Variants in CTC1 observed in about 807,000 individuals in gnomAD.
CTC1 encodes the protein CST complex subunit CTC1.
CTC1 carries 91 observed loss-of-function variants against 136.3 expected under a neutral mutation model. The ratio of observed to expected loss-of-function variants is 0.67; its 90% CI spans 0.56 to 0.79. CTC1 has a LOEUF of 0.79. Among genes scored for constraint, CTC1 ranks in the 30% least tolerant of loss-of-function variants. CTC1 has a pLI of 0.00. For synonymous variants in CTC1, 606 were observed against 613.8 expected (o/e 0.99, Z 0.19); for missense variants, 1,432 against 1,498.1 (o/e 0.96, Z 0.73).
chr17:8,241,624 A>G (rs1988225849), intron 2 of CTC1, among the ~76,000 whole-genome samples: 1 of 132,274 alleles, frequency 7.6e-6, no homozygotes, highest in South Asian at 2.4e-4. Context: ...AAAAAAAAAA[A>G]GCAGGCCAGG....
chr17:8,228,312 A>G lies in CTC1; in HGVS notation c.3522T>C (p.Pro1174=). The G allele has an allele frequency of 6.2e-7, 1 of 1,614,064 alleles. No homozygotes were observed. Among genetic ancestry groups the G allele is most frequent in the Non-Finnish European group, 8.5e-7 (1 of 1,179,962 alleles). ...CTCCACACTGGAATCGCTGTAGCCG[A>G]GGAGGTTCTGAGGTGGGAAGAGAGG... ...KPSKIVPLEP[P]RLQRFQCGEL... Residue 1174 remains proline (P), a synonymous_variant, in exon 23 of 23, where the codon CCT becomes CCC. Coordinates refer to ENST00000651323, the MANE Select transcript of CTC1 (RefSeq NM_025099.6).
At chr17:8,239,646 T>G (rs912747791) in intron 2 of CTC1, among the ~76,000 whole-genome samples, 3 of 151,722 alleles carry the variant, frequency 2.0e-5, no homozygotes, top group Non-Finnish European at 2.9e-5. Flanking sequence ...GGTCTCAAAC[T>G]CCTGACCTCA....
chr17:8,237,603 T>G (rs1987841783), intron 4 of CTC1, 84 bp from the exon 5 acceptor site: 19 of 1,166,984 alleles, frequency 1.6e-5, no homozygotes, highest in Non-Finnish European at 2.0e-5. Context: ...AGGCAGAGGT[T>G]GCAGTAAGCT....
Position 8,235,173 on chromosome 17 carries a change from C to G in CTC1, c.1319G>C (p.Gly440Ala), listed in dbSNP as rs1049816240. ...GTAGGCTTGACGGGATGAGTGAGCC[C>G]CAGGCTTCTGACGAGAGAAGCTTTG... The part of the protein sequence containing the change: ...LLQSFSRQKP[G>A]AHSSRQAYGA... Residue 440 changes from glycine to alanine, a missense_variant, in exon 8 of 23, where the codon GGG becomes GCG. Coordinates refer to ENST00000651323, the MANE Select transcript of CTC1 (RefSeq NM_025099.6). The G allele has an allele frequency of 6.2e-7, 1 of 1,614,040 alleles. No individual in the cohort carries two copies. The highest frequency in any genetic ancestry group is 1.3e-5 in the African/African-American group (1 of 74,918).
chr17:8,235,748 C>T, intron 7 of CTC1, 83 bp downstream of exon 7: 1 of 1,435,414 alleles, frequency 7.0e-7, no homozygotes, highest in Non-Finnish European at 9.4e-7. Context: ...TTCTATATAA[C>T]CACCCTGCTG....
chr17:8,232,416 A>G lies in CTC1; in HGVS notation c.2005T>C (p.Phe669Leu). The change falls in exon 12 of 23, where the codon TTC becomes CTC. Residue 669 changes from phenylalanine to leucine, a missense_variant. Physicochemically the swap from Phe to Leu is conservative, Grantham distance 22 (BLOSUM62 0). Transcript: ENST00000651323. ...LIVERDVRSS[F>L]PSWKELSMPG... ...ATGCTCAGCTCCTTCCAGGAAGGGAAGCTGCTTCTCACGTCCCTCTCTACG... is the reference window on the plus strand; with the variant it reads ...ATGCTCAGCTCCTTCCAGGAAGGGAGGCTGCTTCTCACGTCCCTCTCTACG... 6.2e-7 allele frequency: 1 copy of G among 1,614,162 alleles called. No individual in the cohort carries two copies. Among genetic ancestry groups the G allele is most frequent in the South Asian group, 1.1e-5 (1 of 91,082 alleles).
At chr17:8,233,101 G>T in intron 10 of CTC1, 69 bp from the exon 11 acceptor site, 1 of 1,541,302 alleles carries the variant, frequency 6.5e-7, no homozygotes, top group Non-Finnish European at 8.9e-7. Context: ...CTATTTGCCA[G>T]ATGCTGTATT....
intron 8 of CTC1, 40 bp from the exon 9 acceptor site, chr17:8,234,966 G>A (rs1234935676): frequency 6.3e-7 from 1 of 1,595,768 alleles, no homozygotes; most frequent in Non-Finnish European, 8.6e-7. Flanking sequence ...CCCCTGAAGA[G>A]CCTGCCTCTT....
chr17:8,245,257 A>G (rs1369032910), intron 1 of CTC1, among the ~76,000 whole-genome samples: 1 of 152,192 alleles, frequency 6.6e-6, no homozygotes. Flanking sequence ...GGTTACCTAC[A>G]TAATAAACCT....
chr17:8,233,679 G>A (rs1987439202), intron 10 of CTC1, among the ~76,000 whole-genome samples: 2 of 152,114 alleles, frequency 1.3e-5, no homozygotes, highest in African/African-American at 4.8e-5. Flanking sequence ...TGAGGTGGGA[G>A]GACTGCTTGA....
intron 2 of CTC1, among the ~76,000 whole-genome samples, chr17:8,238,861 C>T (rs1029847405): frequency 6.6e-6 from 1 of 151,946 alleles, no homozygotes; most frequent in Non-Finnish European, 1.5e-5. Flanking sequence ...GAGGCCAAGG[C>T]GGGTGGATCA....
Position 8,242,969 on chromosome 17 carries a change from C to T in CTC1, c.197+16G>A, listed in dbSNP as rs370799756. The stretch of plus-strand genomic sequence containing the variant: ...CCTGCCCCTGCCCAGCCCCCGCAAC[C>T]GCCACCTCTCCTTACCTATAGCTGA... On this transcript the variant is annotated intron_variant, in intron 2 of 22. Transcript: ENST00000651323. 104 of 1,598,884 alleles carry T rather than the reference C, an allele frequency of 6.5e-5. No individual in the cohort carries two copies. In the African/African-American group the frequency reaches 1.0e-3, roughly 15 times the overall value.
intron 2 of CTC1, among the ~76,000 whole-genome samples, chr17:8,242,175 G>A (rs982070931): frequency 7.9e-5 from 12 of 151,760 alleles, no homozygotes; most frequent in Admixed American, 3.3e-4. Flanking sequence ...GATTGCAGGC[G>A]CCCACCACCA....
intron 15 of CTC1, 166 bp from the exon 16 acceptor site, chr17:8,230,817 C>T (rs773594765): frequency 8.0e-6 from 5 of 622,690 alleles, no homozygotes; most frequent in Non-Finnish European, 1.4e-5. Flanking sequence ...AGTAACAGGG[C>T]CTATGGGAAA....
At chr17:8,237,038 G>T (rs1335561209) in intron 5 of CTC1, among the ~76,000 whole-genome samples, 27 of 142,966 alleles carry the variant, frequency 1.9e-4, no homozygotes, top group Non-Finnish European at 3.9e-4. Flanking sequence ...TAAGTACCAA[G>T]TTTTTTTTTT....
rs905842376 is a variant in CTC1, at chr17:8,226,206, C to T, written c.*1974G>A. 7.9e-5 allele frequency: 12 copies of T among 152,098 alleles called. No individual in the cohort carries two copies. Among genetic ancestry groups the T allele is most frequent in the Admixed American group, 4.6e-4 (7 of 15,242 alleles). 9.4% of individuals were successfully genotyped at this position (152,098 alleles called of 1,614,324 possible). A position where few individuals can be genotyped will look rare whatever the true frequency, so the allele number is the denominator to read the frequency against. ...ATACATGAAAGGATGTGGATTTAGC[C>T]GCAAAATCACGCTGTTTCAATTGAA... On this transcript the variant is annotated 3_prime_UTR_variant, in exon 23 of 23. Coordinates refer to ENST00000651323, the MANE Select transcript of CTC1 (RefSeq NM_025099.6).
In CTC1 at chr17:8,237,440, C is replaced by T; in HGVS notation, c.727G>A (p.Ala243Thr). The change falls in exon 5 of 23, where the codon GCT becomes ACT. Residue 243 changes from alanine (A) to threonine (T), a missense_variant. By Grantham distance (58) the Ala-to-Thr change is moderately conservative (BLOSUM62 0). Transcript: ENST00000651323. ...LSALVKSKQK[A>T]YFILSLGRSH... Reference sequence around the variant, plus strand: ...CTACCAAGAGACAGGATGAAGTAAGCTTTCTGTTTACTTTTCACCAGAGCA... The same window carrying T: ...CTACCAAGAGACAGGATGAAGTAAGTTTTCTGTTTACTTTTCACCAGAGCA... 6.2e-7 allele frequency: 1 copy of T among 1,613,070 alleles called. No homozygotes were observed. Among genetic ancestry groups the T allele is most frequent in the Admixed American group, 1.7e-5 (1 of 59,922 alleles).
At chr17:8,242,824 T>G (rs1250628714) in intron 2 of CTC1, among the ~76,000 whole-genome samples, 161 bp downstream of exon 2, 1 of 151,694 alleles carries the variant, frequency 6.6e-6, no homozygotes, top group Non-Finnish European at 1.5e-5. Context: ...AAAGGAAAGC[T>G]TGATAGTGTT....
Position 8,226,311 on chromosome 17 carries a change from A to T in CTC1, c.*1869T>A, listed in dbSNP as rs1005867893. ...TTAACCAACTAAGCCACGGCGCCGAAGCTGCCATAAAGGTTCCTGAAATTC... is the reference window on the plus strand; with the variant it reads ...TTAACCAACTAAGCCACGGCGCCGATGCTGCCATAAAGGTTCCTGAAATTC... On this transcript the variant is annotated 3_prime_UTR_variant, in exon 23 of 23. Transcript: ENST00000651323. 6.6e-6 allele frequency: 1 copy of T among 152,240 alleles called. No individual in the cohort carries two copies. Among genetic ancestry groups the T allele is most frequent in the Non-Finnish European group, 1.5e-5 (1 of 68,040 alleles). 9.4% of individuals were successfully genotyped at this position (152,240 alleles called of 1,614,324 possible).
Sources: allele counts gnomAD v4.1 joint callset (sites outside exome capture counted in the v4.1 genomes callset), GRCh38; gene constraint gnomAD v4.1.1; transcripts MANE v1.5; gene names NCBI Gene and HGNC (gene_info 2026-07-23, HGNC 2026-07-21).